The following CLCA2 variants were observed in gnomAD, a reference collection of about 807,000 sequenced individuals.
CLCA2 encodes calcium-activated chloride channel regulator 2.
Under a neutral mutation model 82.9 loss-of-function variants are expected in CLCA2, and 85 were observed. The ratio of observed to expected loss-of-function variants is 1.03; its 90% CI spans 0.86 to 1.23. CLCA2 has a LOEUF of 1.23. Ranked by LOEUF, CLCA2 falls within the 50% of genes most tolerant of loss-of-function variation. The pLI is 0.00. For missense variants in CLCA2, 1,089 were observed against 1,124.8 expected (o/e 0.97, Z 0.45); for synonymous variants, 421 against 391.7 (o/e 1.07, Z -0.88).
intron 8 of CLCA2, among the ~76,000 whole-genome samples, chr1:86,440,730 A>G (rs1167823239): frequency 6.6e-6 from 1 of 152,004 alleles, no homozygotes; most frequent in Non-Finnish European, 1.5e-5. Context: ...GTAAAACCCC[A>G]CTTCTACTAA....
chr1:86,447,554 A>G lies in CLCA2; in HGVS notation c.1760A>G (p.Gln587Arg). ...YTLNNTHHSL[Q>R]ALKVTVTSRA... ...CTGAACAATACCCATCATTCTCTGC[A>G]AGCCCTGAAAGTGACAGTGACCTCT... Residue 587 changes from glutamine (Q) to arginine (R), a missense_variant, in exon 11 of 14, where the codon CAA (glutamine) becomes CGA (arginine). Coordinates refer to ENST00000370565, the MANE Select transcript of CLCA2 (RefSeq NM_006536.7). 6.2e-7 allele frequency: 1 copy of G among 1,614,138 alleles called. No homozygotes were observed. The highest frequency in any genetic ancestry group is 8.5e-7 in the Non-Finnish European group (1 of 1,180,018).
At chr1:86,427,030 A>G (rs982983401) in intron 2 of CLCA2, among the ~76,000 whole-genome samples, 4 of 152,174 alleles carry the variant, frequency 2.6e-5, no homozygotes, top group Non-Finnish European at 5.9e-5. Context: ...CAGAATGTCA[A>G]TTAAGCAAAC....
intron 6 of CLCA2, among the ~76,000 whole-genome samples, chr1:86,435,412 A>C (rs1211925068): frequency 6.6e-6 from 1 of 152,232 alleles, no homozygotes; most frequent in African/African-American, 2.4e-5. Context: ...TGGTTGAGGA[A>C]GTAAACTGTG....
intron 9 of CLCA2, among the ~76,000 whole-genome samples, chr1:86,442,295 T>A (rs1662751731): frequency 6.6e-6 from 1 of 152,172 alleles, no homozygotes; most frequent in Non-Finnish European, 1.5e-5. Flanking sequence ...TATGACAATA[T>A]CTAGTACAGA....
chr1:86,453,537 T>C lies in CLCA2; in HGVS notation c.2324T>C (p.Val775Ala). 6.2e-7 allele frequency: 1 copy of C among 1,614,154 alleles called. No individual in the cohort carries two copies. Among genetic ancestry groups the C allele is most frequent in the South Asian group, 1.1e-5 (1 of 91,088 alleles). Reference sequence around the variant, plus strand: ...TGCAAAATTATTGACCTGGAAGCTGTAAAAGTAGAAGAGGAATTGACCCTA... The same window carrying C: ...TGCAAAATTATTGACCTGGAAGCTGCAAAAGTAGAAGAGGAATTGACCCTA... ...PPCKIIDLEA[V>A]KVEEELTLSW... Residue 775 changes from valine to alanine, a missense_variant, in exon 13 of 14, where the codon GTA becomes GCA. Physicochemically the swap from Val to Ala is moderately conservative, Grantham distance 64. Transcript: ENST00000370565.
rs1246899576 is a variant in CLCA2 at position 86,432,385 on chromosome 1, ACAGG to A, written c.604_607del (p.Gly202PhefsTer38). 29 of 1,613,832 alleles carry A rather than the reference ACAGG, an allele frequency of 1.8e-5. No individual in the cohort carries two copies. The highest frequency in any genetic ancestry group is 2.5e-5 in the Non-Finnish European group (29 of 1,179,942). ...CATTTTTAGGTGTTCATCTGACATC[ACAGG>A]CATTTTTGTGTGTGAAAAAGGTCCT... On this transcript the variant is annotated frameshift_variant, in exon 5 of 14. Transcript: ENST00000370565. LOFTEE classifies it high-confidence loss of function.
At chr1:86,449,066 G>A (rs1662913559) in intron 11 of CLCA2, among the ~76,000 whole-genome samples, 1 of 152,144 alleles carries the variant, frequency 6.6e-6, no homozygotes, top group African/African-American at 2.4e-5. Flanking sequence ...ATACTGCTCA[G>A]GCATCAAAAT....
intron 11 of CLCA2, among the ~76,000 whole-genome samples, chr1:86,449,579 T>G (rs889420865): frequency 6.6e-6 from 1 of 152,256 alleles, no homozygotes; most frequent in African/African-American, 2.4e-5. Flanking sequence ...TGTTTAGCAC[T>G]TTTTATTTCA....
At chr1:86,425,230 T>C in intron 1 of CLCA2, 109 bp from the exon 2 acceptor site, 13 of 704,264 alleles carry the variant, frequency 1.8e-5, no homozygotes, top group Non-Finnish European at 2.8e-5. Flanking sequence ...AAGAAATGGG[T>C]CTCTTCAAAA....
At position 86,450,682 on chromosome 1, in the gene CLCA2, C is replaced by T; in HGVS notation, c.2104C>T (p.His702Tyr). Residue 702 changes from histidine (H) to tyrosine (Y), a missense_variant, in exon 12 of 14, where the codon CAC (histidine) becomes TAC (tyrosine). Coordinates refer to ENST00000370565, the MANE Select transcript of CLCA2 (RefSeq NM_006536.7). Reference sequence around the variant, plus strand: ...CTCTCCCAGCATAAGCACCCCAGCCCACTCTATTCCAGGGAGTCATGCTAT... The same window carrying T: ...CTCTCCCAGCATAAGCACCCCAGCCTACTCTATTCCAGGGAGTCATGCTAT... ...NHSPSISTPAHSIPGSHAMYV... is the reference protein window; with the variant it reads ...NHSPSISTPAYSIPGSHAMYV... The T allele has an allele frequency of 1.9e-6, 3 of 1,613,368 alleles. No individual in the cohort carries two copies. The highest frequency in any genetic ancestry group is 1.1e-5 in the South Asian group (1 of 90,886).
chr1:86,429,311 C>G (rs1180614761), intron 3 of CLCA2, among the ~76,000 whole-genome samples: 1 of 152,154 alleles, frequency 6.6e-6, no homozygotes, highest in Non-Finnish European at 1.5e-5. Flanking sequence ...GTACTTAATT[C>G]TAGCAACTCT....
At chr1:86,437,042 G>C (rs1000471269) in intron 6 of CLCA2, among the ~76,000 whole-genome samples, 16 of 152,298 alleles carry the variant, frequency 1.1e-4, no homozygotes, top group Admixed American at 5.9e-4. Context: ...TGGTCTCAGA[G>C]TAATTTATAT....
intron 12 of CLCA2, 119 bp from the exon 13 acceptor site, chr1:86,453,250 G>T: frequency 1.5e-6 from 1 of 654,302 alleles, no homozygotes; most frequent in South Asian, 1.9e-5. Context: ...AATACACTCA[G>T]TTATTCTAGA....
intron 4 of CLCA2, 49 bp downstream of exon 4, chr1:86,431,019 A>C (rs1224988616): frequency 2.2e-5 from 30 of 1,358,940 alleles, no homozygotes; most frequent in Non-Finnish European, 2.8e-5. Flanking sequence ...TGACTCTAAA[A>C]TTGCTTATAA....
In CLCA2 at chr1:86,444,943, C is replaced by T. The variant is rs576566354; in HGVS notation, c.1713+932C>T. On this transcript the variant is annotated intron_variant, in intron 10 of 13. Transcript: ENST00000370565. ...ATGGAGTCTCGCTCTGTCACCCAGGCGGGAGTGCAGTGGCACCATCTCAGC... is the reference window on the plus strand; with the variant it reads ...ATGGAGTCTCGCTCTGTCACCCAGGTGGGAGTGCAGTGGCACCATCTCAGC... Among the ~76,000 whole-genome samples the T allele has an allele frequency of 7.2e-5, 11 of 152,012 alleles. No individual in the cohort carries two copies. The East Asian group carries it at 2.1e-3, about 29-fold the overall frequency.
In CLCA2 at chr1:86,455,456, G is replaced by T; in HGVS notation, c.2761G>T (p.Val921Phe). The change falls in exon 14 of 14, where the codon GTT becomes TTT. Residue 921 changes from valine to phenylalanine, a missense_variant. Coordinates refer to ENST00000370565, the MANE Select transcript of CLCA2 (RefSeq NM_006536.7). ...GATAGGAATCATTTGCCTTATTATA[G>T]TTGTGACACATCATACTTTAAGCAG... ...GLIGIICLIIVVTHHTLSRKK... is the reference protein window; with the variant it reads ...GLIGIICLIIFVTHHTLSRKK... The T allele has an allele frequency of 6.4e-7, 1 of 1,564,058 alleles. No homozygotes were observed. Among genetic ancestry groups the T allele is most frequent in the Non-Finnish European group, 8.6e-7 (1 of 1,159,156 alleles).
intron 5 of CLCA2, 136 bp downstream of exon 5, chr1:86,432,664 C>T: frequency 9.7e-7 from 1 of 1,027,140 alleles, no homozygotes; most frequent in South Asian, 2.0e-5. Context: ...TAGTTTTTAT[C>T]TACAGATTTA....
In CLCA2 at chr1:86,424,286, G is replaced by C. The variant is rs1662344195; in HGVS notation, c.39G>C (p.Leu13=). 1 of 1,613,702 alleles carries C rather than the reference G, an allele frequency of 6.2e-7. No individual in the cohort carries two copies. The highest frequency in any genetic ancestry group is 1.3e-5 in the African/African-American group (1 of 74,892). Residue 13 remains leucine, a synonymous_variant, in exon 1 of 14, where the codon CTG becomes CTC. Transcript: ENST00000370565. ...QRSIAGPICN[L]KFVTLLVALS... is the part of the protein sequence containing the mutation. ...GCATTGCAGGTCCTATTTGCAACCT[G>C]AAGTTTGTGACTCTCCTGGTTGCCT...
chr1:86,437,828 A>G (rs1054878894), intron 6 of CLCA2, among the ~76,000 whole-genome samples: 1 of 152,158 alleles, frequency 6.6e-6, no homozygotes, highest in Non-Finnish European at 1.5e-5. Flanking sequence ...GATGACCATG[A>G]AGATGGCAAT....
Sources: allele counts gnomAD v4.1 joint callset (sites outside exome capture counted in the v4.1 genomes callset), GRCh38; gene constraint gnomAD v4.1.1; transcripts MANE v1.5; gene names NCBI Gene and HGNC (gene_info 2026-07-23, HGNC 2026-07-21).